Variants in KMT2C observed in about 807,000 individuals in gnomAD.
KMT2C encodes the protein histone-lysine N-methyltransferase 2C.
In KMT2C, 88 loss-of-function variants were observed where a neutral mutation model predicts 507.9. The observed-to-expected ratio is 0.17, with a 90% CI of 0.15 to 0.21. The LOEUF is 0.21. Among genes scored for constraint, KMT2C ranks in the 10% least tolerant of loss-of-function variants. The pLI is 1.00. For missense variants in KMT2C, 4,954 were observed against 5,957.8 expected, an observed-to-expected ratio of 0.83 and a Z score of 5.55; for synonymous variants, 2,049 against 2,080.8, an observed-to-expected ratio of 0.98 and a Z score of 0.42.
Position 152,224,208 on chromosome 7 carries a change from C to A in KMT2C, c.3159-29G>T, listed in dbSNP as rs778089692. 2.5e-6 allele frequency: 4 copies of A among 1,584,238 alleles called. No homozygotes were observed. In the South Asian group the frequency reaches 3.4e-5, roughly 13 times the overall value. ...AAATCCAAATCCCCCCGAAAAGTCTCAATTTTATTTTCTTAGTTACTCAGT... is the reference window on the plus strand; with the variant it reads ...AAATCCAAATCCCCCCGAAAAGTCTAAATTTTATTTTCTTAGTTACTCAGT... On this transcript the variant is annotated intron_variant, in intron 19 of 58. Coordinates refer to ENST00000262189, the MANE Select transcript of KMT2C (RefSeq NM_170606.3).
intron 49 of KMT2C, 126 bp downstream of exon 49, chr7:152,152,578 GT>G (rs1386848231): frequency 8.6e-7 from 1 of 1,160,944 alleles, no homozygotes; most frequent in African/African-American, 1.5e-5. Flanking sequence ...CACATGGTAA[GT>G]TCACCAAGGA....
At chr7:152,336,285 T>G (rs1295705996) in intron 2 of KMT2C, among the ~76,000 whole-genome samples, 1 of 152,160 alleles carries the variant, frequency 6.6e-6, no homozygotes, top group African/African-American at 2.4e-5. Flanking sequence ...CACTCTTCAT[T>G]TGGTAGACTA....
intron 40 of KMT2C, 151 bp downstream of exon 40, chr7:152,171,113 T>C: frequency 2.2e-6 from 1 of 451,006 alleles, no homozygotes; most frequent in Non-Finnish European, 3.9e-6. Flanking sequence ...ATTGCGGTTT[T>C]TGCCACTGGC....
At chr7:152,253,542 A>T (rs1236047275) in intron 9 of KMT2C, among the ~76,000 whole-genome samples, 1 of 149,684 alleles carries the variant, frequency 6.7e-6, no homozygotes, top group South Asian at 2.1e-4. Flanking sequence ...AAAAAAAAAA[A>T]ATTTAATTAG....
chr7:152,303,366 T>C (rs1399757262), intron 6 of KMT2C, among the ~76,000 whole-genome samples: 1 of 152,236 alleles, frequency 6.6e-6, no homozygotes, highest in African/African-American at 2.4e-5. Context: ...GTCCTGCATA[T>C]TGCAGAATGT....
intron 41 of KMT2C, among the ~76,000 whole-genome samples, 172 bp from the exon 42 acceptor site, chr7:152,167,550 A>G (rs1298872792): frequency 6.6e-6 from 1 of 152,266 alleles, no homozygotes; most frequent in Admixed American, 6.5e-5. Flanking sequence ...CAGATTTTAG[A>G]AAAATATTTA....
At chr7:152,273,137 T>G (rs1337416782) in intron 7 of KMT2C, among the ~76,000 whole-genome samples, 1 of 152,172 alleles carries the variant, frequency 6.6e-6, no homozygotes, top group African/African-American at 2.4e-5. Flanking sequence ...ACATTTTCAT[T>G]GAATTATAAA....
intron 41 of KMT2C, among the ~76,000 whole-genome samples, chr7:152,168,803 A>G (rs894505086): frequency 6.6e-6 from 1 of 152,180 alleles, no homozygotes; most frequent in African/African-American, 2.4e-5. Context: ...CTTACTGCTA[A>G]GTATAATCCC....
chr7:152,359,554 G>T (rs964423544), intron 1 of KMT2C, among the ~76,000 whole-genome samples: 2 of 151,980 alleles, frequency 1.3e-5, no homozygotes, highest in South Asian at 4.2e-4. Context: ...TGGATCATTT[G>T]AGTGCAAGAG....
chr7:152,414,172 T>G (rs2097710391), intron 1 of KMT2C, among the ~76,000 whole-genome samples: 1 of 149,538 alleles, frequency 6.7e-6, no homozygotes, highest in Admixed American at 6.7e-5. Flanking sequence ...ACTGTGCCAC[T>G]GCACTCCAGC....
chr7:152,221,817 T>C (rs1461823870), intron 22 of KMT2C, among the ~76,000 whole-genome samples, 184 bp downstream of exon 22: 6 of 152,194 alleles, frequency 3.9e-5, no homozygotes, highest in African/African-American at 1.4e-4. Flanking sequence ...CTGAAATTTA[T>C]AGGAATACTG....
chr7:152,357,087 A>G (rs1158823114), intron 2 of KMT2C, among the ~76,000 whole-genome samples: 3 of 151,368 alleles, frequency 2.0e-5, no homozygotes, highest in African/African-American at 7.3e-5. Context: ...TTATCCAGGC[A>G]TGGTGGCGCA....
intron 1 of KMT2C, among the ~76,000 whole-genome samples, chr7:152,420,603 G>A (rs1445560235): frequency 2.6e-5 from 4 of 152,254 alleles, no homozygotes; most frequent in South Asian, 2.1e-4. Flanking sequence ...TTGGGAGGCC[G>A]AGGTGGGTGG....
At chr7:152,426,428 G>A (rs967831661) in intron 1 of KMT2C, among the ~76,000 whole-genome samples, 3 of 151,690 alleles carry the variant, frequency 2.0e-5, no homozygotes, top group African/African-American at 7.3e-5. Context: ...TAGAGATGGG[G>A]ATCTCACTAT....
chr7:152,204,360 T>C (rs915268071), intron 25 of KMT2C, among the ~76,000 whole-genome samples: 1 of 152,118 alleles, frequency 6.6e-6, no homozygotes, highest in African/African-American at 2.4e-5. Context: ...TTTGGGAGGC[T>C]GAGGCAGGAG....
chr7:152,293,476 T>C (rs1351629970), intron 6 of KMT2C, among the ~76,000 whole-genome samples: 1 of 152,222 alleles, frequency 6.6e-6, no homozygotes, highest in Non-Finnish European at 1.5e-5. Flanking sequence ...TCACTTTGTA[T>C]ACAACTATAT....
intron 1 of KMT2C, among the ~76,000 whole-genome samples, chr7:152,420,219 C>T (rs533986887): frequency 6.6e-6 from 1 of 152,240 alleles, no homozygotes; most frequent in East Asian, 1.9e-4. Context: ...ATAAACCATG[C>T]TTCAGAAATG....
At chr7:152,361,417 G>T (rs1213492511) in intron 1 of KMT2C, among the ~76,000 whole-genome samples, 1 of 152,006 alleles carries the variant, frequency 6.6e-6, no homozygotes, top group Admixed American at 6.6e-5. Flanking sequence ...AAAAAAATTA[G>T]CCGGGCGTGG....
At chr7:152,166,861 T>C (rs1227943345) in intron 42 of KMT2C, among the ~76,000 whole-genome samples, 6 of 152,200 alleles carry the variant, frequency 3.9e-5, no homozygotes, top group Non-Finnish European at 7.3e-5. Context: ...TCTCCAACTA[T>C]ACCAAAGTTG....
Sources: gnomAD v4.1 joint callset for allele counts (sites outside exome capture counted in the v4.1 genomes callset) on GRCh38, gnomAD v4.1.1 for gene constraint, MANE v1.5 for transcripts, NCBI Gene and HGNC (gene_info 2026-07-23, HGNC 2026-07-21) for gene names.